FOXN3: variants seen among roughly 807,000 people sequenced by gnomAD.
FOXN3 encodes forkhead box protein N3.
FOXN3 carries 7 observed loss-of-function variants against 38.4 expected under a neutral mutation model. The ratio of observed to expected loss-of-function variants is 0.18; its 90% CI spans 0.10 to 0.34. The LOEUF is 0.34. Ranked by LOEUF, FOXN3 falls within the 10% of genes least tolerant of loss-of-function variation. FOXN3 has a pLI of 1.00. For missense variants in FOXN3, 456 were observed against 613.4 expected, an observed-to-expected ratio of 0.74 and a Z score of 2.71; for synonymous variants, 230 against 242.2, an observed-to-expected ratio of 0.95 and a Z score of 0.47.
rs3994032 is a variant in FOXN3, at chr14:89,425,062, C to CTTTTT, written c.-14-12577_-14-12573dup. On this transcript the variant is annotated intron_variant, in intron 1 of 6. Coordinates refer to the FOXN3 transcript ENST00000345097. ...GTTGTGTTTTGTTTTGTTTTCTTTTCTTTTTTTTTTTTTTTTTTTTGAGAC... is the reference window on the plus strand; with the variant it reads ...GTTGTGTTTTGTTTTGTTTTCTTTTCTTTTTTTTTTTTTTTTTTTTTTTTTGAGAC... Among the ~76,000 whole-genome samples, 143 of 104,188 alleles carry CTTTTT rather than the reference C, an allele frequency of 1.4e-3. 1 individual carries two copies. The highest frequency in any genetic ancestry group is 3.4e-3 in the African/African-American group (88 of 26,154). The allele number at this position is 104,188 out of a possible 152,430, so 68.4% of individuals were successfully genotyped here.
intron 1 of FOXN3, among the ~76,000 whole-genome samples, chr14:89,535,444 G>A (rs1894665912): frequency 6.6e-6 from 1 of 152,258 alleles, no homozygotes; most frequent in South Asian, 2.1e-4. Flanking sequence ...TTATTCTTGA[G>A]CTTCCTGAAT....
intron 4 of FOXN3, among the ~76,000 whole-genome samples, chr14:89,222,619 C>G (rs1884502705): frequency 6.6e-6 from 1 of 152,110 alleles, no homozygotes; most frequent in Non-Finnish European, 1.5e-5. Flanking sequence ...CCCAGCCGAG[C>G]TCAGGAGGAC....
At chr14:89,206,407 G>C (rs745766069) in intron 4 of FOXN3, among the ~76,000 whole-genome samples, 13 of 152,176 alleles carry the variant, frequency 8.5e-5, no homozygotes, top group Non-Finnish European at 1.5e-4. Flanking sequence ...TTTGTATCTG[G>C]GGCATACTTG....
chr14:89,252,480 C>A (rs1230879636), intron 4 of FOXN3, among the ~76,000 whole-genome samples: 1 of 152,002 alleles, frequency 6.6e-6, no homozygotes, highest in Admixed American at 6.6e-5. Context: ...CATGGTGAAA[C>A]CCCATCTCTA....
chr14:89,343,018 A>G (rs1413577184), intron 3 of FOXN3, among the ~76,000 whole-genome samples: 1 of 152,232 alleles, frequency 6.6e-6, no homozygotes, highest in African/African-American at 2.4e-5. Context: ...ATGACACCAC[A>G]ATCTAACAAT....
intron 1 of FOXN3, among the ~76,000 whole-genome samples, chr14:89,478,106 T>C (rs1024050075): frequency 6.6e-6 from 1 of 152,164 alleles, no homozygotes; most frequent in Non-Finnish European, 1.5e-5. Flanking sequence ...GGTCATCCCC[T>C]TGGTGATAAG....
At chr14:89,511,213 TTCTTTCTTTCTTTCTTTTCTTTCCTTTTC>T (rs1894069431) in intron 1 of FOXN3, among the ~76,000 whole-genome samples, 1 of 22,822 alleles carries the variant, frequency 4.4e-5, no homozygotes, top group Non-Finnish European at 1.3e-4. Flanking sequence ...TTTTCTTTCT[TTCTTTCTTTCTTTCTTTTCTTTCCTTTTC>T]TTTCTTTTCT....
intron 1 of FOXN3, among the ~76,000 whole-genome samples, chr14:89,611,722 C>G (rs1253802960): frequency 6.8e-6 from 1 of 147,988 alleles, no homozygotes; most frequent in African/African-American, 2.5e-5. Flanking sequence ...AGGAGAACGG[C>G]GTGAACCTGG....
intron 4 of FOXN3, among the ~76,000 whole-genome samples, chr14:89,251,332 T>A (rs903567951): frequency 6.6e-6 from 1 of 152,212 alleles, no homozygotes; most frequent in East Asian, 1.9e-4. Context: ...CTGCCTAGAA[T>A]CCTTTACCAG....
chr14:89,205,843 C>T (rs1004651523), intron 4 of FOXN3, among the ~76,000 whole-genome samples: 3 of 152,220 alleles, frequency 2.0e-5, no homozygotes, highest in Non-Finnish European at 4.4e-5. Context: ...ACGACCTTCC[C>T]GTCTGCATGC....
intron 5 of FOXN3, among the ~76,000 whole-genome samples, chr14:89,166,911 T>C (rs1887256887): frequency 1.3e-5 from 2 of 152,350 alleles, no homozygotes; most frequent in South Asian, 4.1e-4. Flanking sequence ...GGACAACAAA[T>C]GCTTAAAAGA....
chr14:89,405,951 A>C (rs1891377621), intron 2 of FOXN3, among the ~76,000 whole-genome samples: 1 of 152,114 alleles, frequency 6.6e-6, no homozygotes, highest in African/African-American at 2.4e-5. Flanking sequence ...GGATTACTTG[A>C]GGACAGGAGT....
intron 1 of FOXN3, among the ~76,000 whole-genome samples, chr14:89,586,999 A>G (rs1895854872): frequency 6.6e-6 from 1 of 152,262 alleles, no homozygotes; most frequent in Admixed American, 6.5e-5. Flanking sequence ...AGACATTTAT[A>G]GAGATCTCTT....
At chr14:89,556,201 T>C (rs1403734847) in intron 1 of FOXN3, among the ~76,000 whole-genome samples, 1 of 151,950 alleles carries the variant, frequency 6.6e-6, no homozygotes, top group African/African-American at 2.4e-5. Context: ...GTCGGGAGTT[T>C]GAGACCAGCC....
At chr14:89,458,030 CAAAAAAAAA>C (rs11445763) in intron 1 of FOXN3, among the ~76,000 whole-genome samples, 3 of 53,522 alleles carry the variant, frequency 5.6e-5, no homozygotes, top group Non-Finnish European at 3.5e-5. Flanking sequence ...AACTCCATCT[CAAAAAAAAA>C]AAAAAAAAAA....
At chr14:89,483,905 A>G (rs752888884) in intron 1 of FOXN3, among the ~76,000 whole-genome samples, 2 of 152,236 alleles carry the variant, frequency 1.3e-5, no homozygotes, top group Non-Finnish European at 2.9e-5. Context: ...TTAAAACAAA[A>G]TATTTATTTG....
At chr14:89,426,383 G>A (rs554709476) in intron 1 of FOXN3, among the ~76,000 whole-genome samples, 188 of 99,270 alleles carry the variant, frequency 1.9e-3, no homozygotes, top group African/African-American at 6.0e-3. Context: ...CCACCATCAC[G>A]CCCAGCTAAT....
chr14:89,344,589 T>G (rs1201927320), intron 3 of FOXN3, among the ~76,000 whole-genome samples: 1 of 152,226 alleles, frequency 6.6e-6, no homozygotes, highest in Non-Finnish European at 1.5e-5. Context: ...AAAAACAATC[T>G]GTTGTCATAA....
intron 5 of FOXN3, among the ~76,000 whole-genome samples, chr14:89,168,524 G>C (rs1401363018): frequency 2.6e-5 from 4 of 152,128 alleles, no homozygotes; most frequent in Non-Finnish European, 5.9e-5. Context: ...TAGCTGAAGA[G>C]AAAAATTAGT....
Sources: gnomAD v4.1 joint callset for allele counts (sites outside exome capture counted in the v4.1 genomes callset) on GRCh38, gnomAD v4.1.1 for gene constraint, MANE v1.5 for transcripts, NCBI Gene and HGNC (gene_info 2026-07-23, HGNC 2026-07-21) for gene names.